Variants in GCH1 observed in about 807,000 individuals in gnomAD.
GCH1 encodes the protein GTP cyclohydrolase 1, also known as GTP cyclohydrolase I.
Under a neutral mutation model 25.9 loss-of-function variants are expected in GCH1, and 5 were observed. The ratio of observed to expected loss-of-function variants is 0.19; its 90% CI spans 0.10 to 0.41. The LOEUF is 0.41. Among genes scored for constraint, GCH1 ranks in the 10% least tolerant of loss-of-function variants. GCH1 has a pLI of 1.00. For missense variants in GCH1, 261 were observed against 336.5 expected (o/e 0.78, Z 1.75); for synonymous variants, 159 against 129.6 (o/e 1.23, Z -1.54).
At chr14:54,858,581 C>G (rs922689108) in intron 3 of GCH1, among the ~76,000 whole-genome samples, 10 of 151,888 alleles carry the variant, frequency 6.6e-5, no homozygotes, top group African/African-American at 2.4e-4. Flanking sequence ...AGACGGCACC[C>G]GGCCGAGACT....
intron 3 of GCH1, among the ~76,000 whole-genome samples, chr14:54,854,148 G>A (rs189290597): frequency 1.1e-4 from 17 of 152,184 alleles, no homozygotes; most frequent in South Asian, 2.1e-4. Flanking sequence ...CTGTTCTTTG[G>A]CTTTTTCTAA....
At chr14:54,855,608 G>T (rs1399171494) in intron 3 of GCH1, among the ~76,000 whole-genome samples, 1 of 150,872 alleles carries the variant, frequency 6.6e-6, no homozygotes, top group Non-Finnish European at 1.5e-5. Flanking sequence ...GAGGCCAGGA[G>T]TTCGAGGCCA....
chr14:54,880,532 TAC>T (rs1447246493), intron 1 of GCH1, among the ~76,000 whole-genome samples: 1 of 83,760 alleles, frequency 1.2e-5, no homozygotes, highest in African/African-American at 7.4e-5. Flanking sequence ...TATATATATA[TAC>T]TCCATATATA....
intron 4 of GCH1, among the ~76,000 whole-genome samples, chr14:54,846,129 T>C (rs2039638375): frequency 6.6e-6 from 1 of 152,172 alleles, no homozygotes; most frequent in Non-Finnish European, 1.5e-5. Flanking sequence ...AATTATCTCA[T>C]ACCTGTGCAG....
intron 2 of GCH1, among the ~76,000 whole-genome samples, chr14:54,860,268 C>T (rs1244822720): frequency 1.3e-5 from 2 of 152,124 alleles, no homozygotes; most frequent in African/African-American, 2.4e-5. Context: ...ACTCTTGACA[C>T]AAATCTGAAA....
intron 1 of GCH1, among the ~76,000 whole-genome samples, chr14:54,882,624 CG>C (rs1293178808): frequency 6.6e-6 from 1 of 151,888 alleles, no homozygotes; most frequent in East Asian, 1.9e-4. Flanking sequence ...ATGGAATTTA[CG>C]AAACAGATGG....
chr14:54,865,282 T>G, intron 2 of GCH1, 45 bp downstream of exon 2: 1 of 905,684 alleles, frequency 1.1e-6, no homozygotes, highest in Non-Finnish European at 1.8e-6. Flanking sequence ...TTGAAAAACT[T>G]TCACTATGTT....
chr14:54,883,368 A>C (rs2040299536), intron 1 of GCH1, among the ~76,000 whole-genome samples: 1 of 82,824 alleles, frequency 1.2e-5, no homozygotes, highest in Non-Finnish European at 2.2e-5. Context: ...TGAGACTCCG[A>C]CTCAAAAAAA....
At chr14:54,859,038 G>A (rs1474695879) in intron 3 of GCH1, among the ~76,000 whole-genome samples, 1 of 152,230 alleles carries the variant, frequency 6.6e-6, no homozygotes, top group African/African-American at 2.4e-5. Context: ...CACTGTATCA[G>A]AATAAAGCTG....
intron 1 of GCH1, among the ~76,000 whole-genome samples, chr14:54,896,572 A>G (rs1198721930): frequency 6.6e-6 from 1 of 152,122 alleles, no homozygotes; most frequent in African/African-American, 2.4e-5. Flanking sequence ...TGCATTTTAC[A>G]TCTGGAGCCA....
intron 3 of GCH1, among the ~76,000 whole-genome samples, chr14:54,854,603 CAAATG>C (rs1566663606): frequency 6.6e-6 from 1 of 151,980 alleles, no homozygotes; most frequent in East Asian, 1.9e-4. Flanking sequence ...AATCAAAAGA[CAAATG>C]ACGAGCTGGG....
At chr14:54,870,677 G>A (rs1437461992) in intron 1 of GCH1, among the ~76,000 whole-genome samples, 2 of 152,186 alleles carry the variant, frequency 1.3e-5, no homozygotes, top group Admixed American at 6.5e-5. Flanking sequence ...AACGATCTTA[G>A]CAAACGGCAC....
At chr14:54,860,086 A>G (rs1594983317) in intron 2 of GCH1, among the ~76,000 whole-genome samples, 4 of 152,314 alleles carry the variant, frequency 2.6e-5, no homozygotes, top group East Asian at 1.9e-4. Context: ...CAGAACCTGC[A>G]TATATGAAAA....
intron 1 of GCH1, among the ~76,000 whole-genome samples, chr14:54,872,875 G>A (rs1161280313): frequency 1.3e-5 from 2 of 151,930 alleles, no homozygotes; most frequent in African/African-American, 2.4e-5. Flanking sequence ...GACCTACAAA[G>A]AGACTTAGAC....
chr14:54,871,350 A>G (rs1332234950), intron 1 of GCH1, among the ~76,000 whole-genome samples: 37 of 152,298 alleles, frequency 2.4e-4, no homozygotes, highest in African/African-American at 8.9e-4. Context: ...CCATCTGTAC[A>G]TCACCATCAT....
rs10136966 is a variant in GCH1, at chr14:54,843,340, C to A, written c.*677G>T. 5 of 1,291,274 alleles carry A rather than the reference C, an allele frequency of 3.9e-6. No individual in the cohort carries two copies. The highest frequency in any genetic ancestry group is 3.7e-5 in the Admixed American group (1 of 26,824). The allele number at this position is 1,291,274 out of a possible 1,614,324, so 80.0% of individuals were successfully genotyped here. A position where few individuals can be genotyped will look rare whatever the true frequency, so the allele number is the denominator to read the frequency against. On this transcript the variant is annotated 3_prime_UTR_variant, in exon 6 of 6. Transcript: ENST00000491895. Reference sequence around the variant, plus strand: ...ATGTCTAAATCCCTGTATGTTGACACGAGAATACACTCGTAAACAACACCA... The same window carrying A: ...ATGTCTAAATCCCTGTATGTTGACAAGAGAATACACTCGTAAACAACACCA...
Position 54,883,100 on chromosome 14 carries a change from G to A in GCH1, c.344-17664C>T, listed in dbSNP as rs952931222. On this transcript the variant is annotated intron_variant, in intron 1 of 5. Transcript: ENST00000491895. ...AAAACAGACCCACTGCTGGCCGGGC[G>A]CGGTGGTTCACGCCTGTAATCTCAG... Among the ~76,000 whole-genome samples, 6 of 151,774 alleles carry A rather than the reference G, an allele frequency of 4.0e-5. No homozygotes were observed. The East Asian group carries it at 7.7e-4, about 20-fold the overall frequency.
rs777063292 is a variant in GCH1, at chr14:54,843,086, G to T, written c.*931C>A. 1 of 1,404,960 alleles carries T rather than the reference G, an allele frequency of 7.1e-7. No individual in the cohort carries two copies. The highest frequency in any genetic ancestry group is 1.2e-5 in the South Asian group (1 of 84,838). The allele number at this position is 1,404,960 out of a possible 1,614,324, so 87.0% of individuals were successfully genotyped here. Reference sequence around the variant, plus strand: ...ATGATGGGCACTCTCAAATGTTTCTGGAAATACTTAGAAAAATATCTTATA... The same window carrying T: ...ATGATGGGCACTCTCAAATGTTTCTTGAAATACTTAGAAAAATATCTTATA... On this transcript the variant is annotated 3_prime_UTR_variant, in exon 6 of 6. Coordinates refer to ENST00000491895, the MANE Select transcript of GCH1 (RefSeq NM_000161.3).
At position 54,890,683 on chromosome 14, in the gene GCH1, A is replaced by G. The variant is rs375121016; in HGVS notation, c.343+11638T>C. Among the ~76,000 whole-genome samples the G allele has an allele frequency of 5.9e-5, 9 of 151,818 alleles. No individual in the cohort carries two copies. In the East Asian group the frequency reaches 1.4e-3, roughly 23 times the overall value. Reference sequence around the variant, plus strand: ...TAAAATAAATCTAATTGCCTTGAAAACTCCATTTAATTTTAACTCTGGTAC... The same window carrying G: ...TAAAATAAATCTAATTGCCTTGAAAGCTCCATTTAATTTTAACTCTGGTAC... On this transcript the variant is annotated intron_variant, in intron 1 of 5. Transcript: ENST00000491895.
Sources: gnomAD v4.1 joint callset for allele counts (sites outside exome capture counted in the v4.1 genomes callset) on GRCh38, gnomAD v4.1.1 for gene constraint, MANE v1.5 for transcripts, NCBI Gene and HGNC (gene_info 2026-07-23, HGNC 2026-07-21) for gene names.